ELAC2: variants seen among roughly 807,000 people sequenced by gnomAD.
ELAC2 encodes elaC ribonuclease Z 2, also known as zinc phosphodiesterase ELAC protein 2.
In ELAC2, 92 loss-of-function variants were observed where a neutral mutation model predicts 105.2. The observed-to-expected ratio is 0.87, with a 90% CI of 0.74 to 1.04. ELAC2 has a LOEUF of 1.04. Among genes scored for constraint, ELAC2 ranks in the 50% least tolerant of loss-of-function variants. The pLI, the probability that ELAC2 is intolerant of heterozygous loss-of-function variation, is 0.00. For synonymous variants in ELAC2, 468 were observed against 409.1 expected, an observed-to-expected ratio of 1.14 and a Z score of -1.74; for missense variants, 1,099 against 1,071.7, an observed-to-expected ratio of 1.03 and a Z score of -0.36.
In ELAC2 at chr17:12,992,824, GGCTCTGACCTTCTT is replaced by G. The variant is rs1447660316; in HGVS notation, c.2461_2474del (p.Lys821ProfsTer43). 6.2e-7 allele frequency: 1 copy of G among 1,611,378 alleles called. No homozygotes were observed. Among genetic ancestry groups the G allele is most frequent in the South Asian group, 1.1e-5 (1 of 91,086 alleles). ...TTCAGGGTCTCCCAGATCTTCACTGGGCTCTGACCTTCTTGGCCTGTGGCTCCTCTGTGTGGGCC... is the reference window on the plus strand; with the variant it reads ...TTCAGGGTCTCCCAGATCTTCACTGGGGCCTGTGGCTCCTCTGTGTGGGCC... On this transcript the variant is annotated frameshift_variant, in exon 24 of 24. Coordinates refer to ENST00000338034, the MANE Select transcript of ELAC2 (RefSeq NM_018127.7). LOFTEE classifies it high-confidence loss of function.
In ELAC2 at chr17:12,995,137, C is replaced by A. The variant is rs73981604; in HGVS notation, c.1809-75G>T. The A allele has an allele frequency of 0.29, 423,560 of 1,453,322 alleles. 62,832 individuals carry two copies. The highest frequency in any genetic ancestry group is 0.34 in the Middle Eastern group (1,955 of 5,768). The allele number at this position is 1,453,322 out of a possible 1,614,324, so 90.0% of individuals were successfully genotyped here. On this transcript the variant is annotated intron_variant, in intron 19 of 23. Transcript: ENST00000338034. ...CTGGAACCAAAGTTTAAGTCTTTGGCTGGAGAACCCCAAAATCATTCTTAG... is the reference window on the plus strand; with the variant it reads ...CTGGAACCAAAGTTTAAGTCTTTGGATGGAGAACCCCAAAATCATTCTTAG...
intron 22 of ELAC2, 131 bp from the exon 23 acceptor site, chr17:12,993,962 T>A: frequency 7.7e-7 from 1 of 1,303,338 alleles, no homozygotes; most frequent in South Asian, 1.3e-5. Flanking sequence ...AACGGGCACC[T>A]CCGTAGCCAG....
intron 2 of ELAC2, 35 bp from the exon 3 acceptor site, chr17:13,016,967 G>A (rs934667348): frequency 8.7e-6 from 14 of 1,613,188 alleles, no homozygotes; most frequent in East Asian, 2.2e-5. Context: ...AGGATAACAT[G>A]AACAGAACAA....
At chr17:13,015,649 C>G (rs1020091838) in intron 4 of ELAC2, 119 bp downstream of exon 4, 17 of 800,700 alleles carry the variant, frequency 2.1e-5, no homozygotes, top group Non-Finnish European at 3.7e-5. Context: ...AAAGGGGAAG[C>G]GTTTCAACGA....
rs942404417 is a variant in ELAC2, at chr17:13,005,609, G to A, written c.870+144C>T. The A allele has an allele frequency of 1.5e-5, 12 of 813,676 alleles. No homozygotes were observed. In the African/African-American group the frequency reaches 1.5e-4, roughly 10 times the overall value. The allele number at this position is 813,676 out of a possible 1,614,324, so 50.4% of individuals were successfully genotyped here. ...TGCGGGACAAACACAGATAAAAGAG[G>A]CCATTTTATCACTTAGCTGAGTGAT... On this transcript the variant is annotated intron_variant, in intron 10 of 23. Coordinates refer to ENST00000338034, the MANE Select transcript of ELAC2 (RefSeq NM_018127.7).
intron 17 of ELAC2, 161 bp from the exon 18 acceptor site, chr17:12,996,139 C>A: frequency 1.2e-6 from 1 of 814,810 alleles, no homozygotes. Flanking sequence ...CCCCCTGCGC[C>A]ATGGCCCTGA....
At position 12,993,976 on chromosome 17, in the gene ELAC2, A is replaced by C. The variant is rs9915058; in HGVS notation, c.2109-145T>G. On this transcript the variant is annotated intron_variant, in intron 22 of 23. Coordinates refer to ENST00000338034, the MANE Select transcript of ELAC2 (RefSeq NM_018127.7). Reference sequence around the variant, plus strand: ...TAACGGGCACCTCCGTAGCCAGCACAATCTCCCCTGAGGGCCAGAGCCTTC... The same window carrying C: ...TAACGGGCACCTCCGTAGCCAGCACCATCTCCCCTGAGGGCCAGAGCCTTC... 0.6 allele frequency: 672,531 copies of C among 1,124,466 alleles called. 208,980 individuals carry two copies. The highest frequency in any genetic ancestry group is 0.65 in the Non-Finnish European group (499,163 of 771,520). The allele number at this position is 1,124,466 out of a possible 1,614,324, so 69.7% of individuals were successfully genotyped here. A position where few individuals can be genotyped will look rare whatever the true frequency, so the allele number is the denominator to read the frequency against.
chr17:12,993,336 T>G (rs2040295611), intron 23 of ELAC2, among the ~76,000 whole-genome samples: 1 of 152,156 alleles, frequency 6.6e-6, no homozygotes. Context: ...CTCTGCCCCT[T>G]CATTCCGGAA....
chr17:13,015,971 G>C (rs2041697415), intron 3 of ELAC2, 139 bp from the exon 4 acceptor site: 1 of 723,762 alleles, frequency 1.4e-6, no homozygotes, highest in South Asian at 1.5e-5. Context: ...AAGATGTACA[G>C]AGCAGAAGTG....
chr17:13,017,897 C>T lies in ELAC2; in HGVS notation c.51G>A (p.Ser17=), dbSNP rs1306862935. 1.3e-6 allele frequency: 2 copies of T among 1,543,420 alleles called. No individual in the cohort carries two copies. The highest frequency in any genetic ancestry group is 2.4e-5 in the South Asian group (2 of 84,312). Residue 17 remains serine (S), a synonymous_variant, in exon 1 of 24, where the codon TCG becomes TCA. Coordinates refer to ENST00000338034, the MANE Select transcript of ELAC2 (RefSeq NM_018127.7). ...LLRSAAGRTM[S]QGRTISQAPA... is the part of the protein sequence containing the mutation. ...GTGCCTGCGATATGGTGCGTCCCTG[C>T]GACATGGTGCGTCCGGCCGCGGACC...
At chr17:12,993,663 G>A in intron 23 of ELAC2, 24 bp downstream of exon 23, 9 of 1,614,008 alleles carry the variant, frequency 5.6e-6, no homozygotes, top group South Asian at 2.2e-5. Context: ...TCCCCGCCCT[G>A]TGCTGTCCGT....
chr17:13,002,966 G>A (rs370363778), intron 12 of ELAC2, among the ~76,000 whole-genome samples: 4 of 152,140 alleles, frequency 2.6e-5, no homozygotes, highest in East Asian at 1.9e-4. Flanking sequence ...AGGTCACCCC[G>A]CACCCGAGCT....
At chr17:13,014,899 T>C (rs896950669) in intron 4 of ELAC2, among the ~76,000 whole-genome samples, 1 of 152,132 alleles carries the variant, frequency 6.6e-6, no homozygotes, top group Non-Finnish European at 1.5e-5. Flanking sequence ...AGGCAGCAAT[T>C]AGAAGAGGCA....
intron 22 of ELAC2, 146 bp from the exon 23 acceptor site, chr17:12,993,977 A>G: frequency 9.1e-7 from 1 of 1,104,168 alleles, no homozygotes; most frequent in Non-Finnish European, 1.3e-6. Context: ...AGCCAGCACA[A>G]TCTCCCCTGA....
chr17:12,995,517 A>C (rs2040424084), intron 19 of ELAC2, among the ~76,000 whole-genome samples, 186 bp downstream of exon 19: 1 of 152,256 alleles, frequency 6.6e-6, no homozygotes, highest in Non-Finnish European at 1.5e-5. Context: ...TAAGCATTAC[A>C]TGGGAACTAT....
chr17:13,014,523 T>C, intron 4 of ELAC2, 27 bp from the exon 5 acceptor site: 1 of 1,568,308 alleles, frequency 6.4e-7, no homozygotes, highest in Non-Finnish European at 8.8e-7. Flanking sequence ...AAATGAGCAG[T>C]TATGGTTGAA....
At chr17:13,000,650 G>C in intron 14 of ELAC2, 1 of 327,958 alleles carries the variant, frequency 3.0e-6, no homozygotes, top group Non-Finnish European at 6.0e-6. Flanking sequence ...AGGGGTCAAT[G>C]GTCCGAGCTG....
chr17:13,003,782 C>A, intron 11 of ELAC2: 1 of 589,302 alleles, frequency 1.7e-6, no homozygotes. Context: ...ATTCCTGTAT[C>A]TGGCAAGCTC....
intron 21 of ELAC2, 119 bp from the exon 22 acceptor site, chr17:12,994,622 A>G: frequency 6.3e-7 from 1 of 1,597,460 alleles, no homozygotes; most frequent in African/African-American, 1.3e-5. Context: ...TCTGCCTACT[A>G]GGATGACAAC....
Sources: gnomAD v4.1 joint callset for allele counts (sites outside exome capture counted in the v4.1 genomes callset) on GRCh38, gnomAD v4.1.1 for gene constraint, MANE v1.5 for transcripts, NCBI Gene and HGNC (gene_info 2026-07-23, HGNC 2026-07-21) for gene names.